The following UHRF2 variants were observed in gnomAD, a reference collection of about 807,000 sequenced individuals.
The protein encoded by UHRF2 is E3 ubiquitin-protein ligase UHRF2.
Under a neutral mutation model 96.8 loss-of-function variants are expected in UHRF2, and 23 were observed. The ratio of observed to expected loss-of-function variants is 0.24; its 90% CI spans 0.17 to 0.34. UHRF2 has a LOEUF of 0.34. UHRF2 is among the 10% of genes least tolerant of loss of function. UHRF2 has a pLI of 1.00. For synonymous variants in UHRF2, 385 were observed against 332.6 expected (o/e 1.16, Z -1.72); for missense variants, 685 against 981.5 (o/e 0.70, Z 4.04).
chr9:6,446,254 G>A (rs1587805165), intron 3 of UHRF2, among the ~76,000 whole-genome samples: 1 of 151,690 alleles, frequency 6.6e-6, no homozygotes, highest in African/African-American at 2.4e-5. Flanking sequence ...AGGTTCAAGC[G>A]ATTCTCATAC....
intron 3 of UHRF2, among the ~76,000 whole-genome samples, chr9:6,452,016 GTA>G (rs1821903303): frequency 6.6e-6 from 1 of 151,798 alleles, no homozygotes; most frequent in Admixed American, 6.6e-5. Flanking sequence ...CATATCTAGT[GTA>G]TATATGTGTA....
intron 3 of UHRF2, among the ~76,000 whole-genome samples, chr9:6,457,933 C>CA (rs1386846507): frequency 1.3e-5 from 2 of 152,138 alleles, no homozygotes; most frequent in African/African-American, 4.8e-5. Context: ...AGGATTTTTG[C>CA]ATCAATGTTC....
rs1266698499 is a variant in UHRF2 at position 6,434,955 on chromosome 9, C to G, written c.644+782C>G. Among the ~76,000 whole-genome samples the G allele has an allele frequency of 3.3e-5, 5 of 151,920 alleles. No homozygotes were observed. In the East Asian group the frequency reaches 9.7e-4, roughly 29 times the overall value. On this transcript the variant is annotated intron_variant, in intron 3 of 15. Transcript: ENST00000276893. Reference sequence around the variant, plus strand: ...AAGCGATCTTCCCACCTTAGCCTCCCAAGTAGCTGAGAATATAGGCATATG... The same window carrying G: ...AAGCGATCTTCCCACCTTAGCCTCCGAAGTAGCTGAGAATATAGGCATATG...
chr9:6,441,085 A>G (rs570473530), intron 3 of UHRF2, among the ~76,000 whole-genome samples: 28 of 152,308 alleles, frequency 1.8e-4, no homozygotes, highest in African/African-American at 6.5e-4. Context: ...ACGTGTTAGA[A>G]ATGCAAATTC....
chr9:6,499,360 G>A (rs1419649915), intron 12 of UHRF2: 1 of 147,916 alleles, frequency 6.8e-6, no homozygotes, highest in Admixed American at 7.0e-5. Flanking sequence ...AGTTGCTTTA[G>A]GTCTTGTAAA....
intron 2 of UHRF2, 29 bp downstream of exon 2, chr9:6,421,171 G>T (rs773890123): frequency 1.4e-6 from 2 of 1,473,278 alleles, no homozygotes; most frequent in Admixed American, 4.0e-5. Context: ...ACTTACTGTT[G>T]TGAGAATACA....
chr9:6,438,544 G>T (rs889140418), intron 3 of UHRF2, among the ~76,000 whole-genome samples: 4 of 152,088 alleles, frequency 2.6e-5, no homozygotes, highest in African/African-American at 9.7e-5. Context: ...GCATTATTTG[G>T]CAAACCTGTG....
intron 3 of UHRF2, among the ~76,000 whole-genome samples, chr9:6,457,412 A>T (rs1238423081): frequency 6.6e-6 from 1 of 152,140 alleles, no homozygotes; most frequent in East Asian, 1.9e-4. Context: ...TTGGGCTGAG[A>T]TGATGGGGTT....
At chr9:6,500,485 C>G (rs919765257) in intron 13 of UHRF2, 67 bp from the exon 14 acceptor site, 12 of 1,392,418 alleles carry the variant, frequency 8.6e-6, no homozygotes, top group Non-Finnish European at 1.2e-5. Context: ...CCAGTTAACT[C>G]TTTTGTTTCA....
intron 2 of UHRF2, among the ~76,000 whole-genome samples, chr9:6,427,193 A>T (rs1008919115): frequency 6.6e-6 from 1 of 152,166 alleles, no homozygotes; most frequent in East Asian, 1.9e-4. Context: ...ATTCTTGGTT[A>T]TGCCACTTGG....
At chr9:6,430,767 A>T (rs1338855837) in intron 2 of UHRF2, among the ~76,000 whole-genome samples, 1 of 152,112 alleles carries the variant, frequency 6.6e-6, no homozygotes, top group Non-Finnish European at 1.5e-5. Context: ...AAAACACAAT[A>T]AAGGCTCTGG....
intron 3 of UHRF2, among the ~76,000 whole-genome samples, chr9:6,440,995 A>C (rs897212762): frequency 2.0e-5 from 3 of 152,116 alleles, no homozygotes; most frequent in African/African-American, 7.2e-5. Context: ...TATGATTCTA[A>C]TGTCTAGCCA....
intron 2 of UHRF2, among the ~76,000 whole-genome samples, chr9:6,424,700 C>G (rs1820141068): frequency 1.3e-5 from 2 of 151,806 alleles, no homozygotes; most frequent in African/African-American, 4.8e-5. Flanking sequence ...TCTTTTTGTT[C>G]CAGAATCCCA....
chr9:6,442,489 T>C (rs1821232377), intron 3 of UHRF2, among the ~76,000 whole-genome samples: 2 of 133,276 alleles, frequency 1.5e-5, no homozygotes, highest in African/African-American at 5.4e-5. Flanking sequence ...TTGTTTTGTT[T>C]TGTTTTTGAG....
intron 3 of UHRF2, among the ~76,000 whole-genome samples, chr9:6,459,354 C>T (rs1009250031): frequency 6.6e-6 from 1 of 152,160 alleles, no homozygotes; most frequent in Non-Finnish European, 1.5e-5. Context: ...CAGAAAGAGG[C>T]CATCATCTAG....
chr9:6,443,389 A>G (rs551656071), intron 3 of UHRF2, among the ~76,000 whole-genome samples: 24 of 152,230 alleles, frequency 1.6e-4, no homozygotes, highest in African/African-American at 2.4e-4. Flanking sequence ...TGAGGTTTAA[A>G]GAAGTAACTT....
intron 3 of UHRF2, among the ~76,000 whole-genome samples, chr9:6,436,707 T>A (rs1820868008): frequency 6.6e-6 from 1 of 152,228 alleles, no homozygotes; most frequent in African/African-American, 2.4e-5. Flanking sequence ...GGATAGGACC[T>A]ACCCTTCAGT....
At chr9:6,475,521 T>G (rs1823513414) in intron 5 of UHRF2, 21 bp downstream of exon 5, 2 of 1,473,798 alleles carry the variant, frequency 1.4e-6, no homozygotes, top group Non-Finnish European at 1.9e-6. Context: ...TTGTTTTTGG[T>G]CTTAGACTAC....
intron 9 of UHRF2, among the ~76,000 whole-genome samples, chr9:6,489,641 G>C (rs28501137): frequency 0.012 from 1,855 of 151,734 alleles, 39 homozygotes; most frequent in African/African-American, 0.042. Context: ...ATTGTTGGAC[G>C]TGATTCGTTT....
Sources: allele counts gnomAD v4.1 joint callset (sites outside exome capture counted in the v4.1 genomes callset), GRCh38; gene constraint gnomAD v4.1.1; transcripts MANE v1.5; gene names NCBI Gene and HGNC (gene_info 2026-07-23, HGNC 2026-07-21).